ANO1: variants seen among roughly 807,000 people sequenced by gnomAD.
ANO1 encodes anoctamin 1, also known as anoctamin-1.
ANO1 carries 59 observed loss-of-function variants against 124.0 expected under a neutral mutation model. The ratio of observed to expected loss-of-function variants is 0.48; its 90% CI spans 0.39 to 0.59. The LOEUF is 0.59. Ranked by LOEUF, ANO1 falls within the 20% of genes least tolerant of loss-of-function variation. The pLI is 0.00. For synonymous variants in ANO1, 529 were observed against 532.0 expected, an observed-to-expected ratio of 0.99 and a Z score of 0.08; for missense variants, 1,059 against 1,328.0, an observed-to-expected ratio of 0.80 and a Z score of 3.15.
intron 1 of ANO1, among the ~76,000 whole-genome samples, chr11:70,013,220 T>G (rs1004535778): frequency 6.6e-6 from 1 of 152,064 alleles, no homozygotes; most frequent in Non-Finnish European, 1.5e-5. Context: ...TTCAAGCAAC[T>G]GAAATGAGGT....
chr11:70,165,240 G>C (rs1356622376), intron 19 of ANO1: 1 of 548,904 alleles, frequency 1.8e-6, no homozygotes. Context: ...GTCCTCAGAT[G>C]GGCGCCCCAT....
chr11:70,046,210 T>C lies in ANO1; in HGVS notation c.59-32332T>C, dbSNP rs181664369. ...TGTGCCAATTTTCTGATCTTTTTAA[T>C]AAAAGCTTGTATGGTTCCCTGTAAA... On this transcript the variant is annotated intron_variant, in intron 1 of 27. Transcript: ENST00000531349. 1.3e-4 allele frequency among the ~76,000 whole-genome samples: 20 copies of C among 152,346 alleles called. 1 individual carries two copies. Among genetic ancestry groups the C allele is most frequent in the Admixed American group, 9.1e-4 (14 of 15,302 alleles).
At chr11:70,020,698 CAT>C (rs1423556325) in intron 1 of ANO1, among the ~76,000 whole-genome samples, 2 of 152,188 alleles carry the variant, frequency 1.3e-5, no homozygotes, top group African/African-American at 4.8e-5. Context: ...CCTGGGATGA[CAT>C]GGGTTCCCCA....
chr11:69,988,713 T>G (rs1341996446), intron 1 of ANO1, among the ~76,000 whole-genome samples: 6 of 152,228 alleles, frequency 3.9e-5, no homozygotes, highest in African/African-American at 1.4e-4. Context: ...TACTTATTTA[T>G]ACGCTTGTGG....
At chr11:70,074,126 C>T (rs187993893), upstream of ANO1, among the ~76,000 whole-genome samples, 60 of 152,312 alleles carry the variant, frequency 3.9e-4, no homozygotes, top group East Asian at 2.3e-3. Flanking sequence ...CTGTCCTACG[C>T]GGGTTGCCGG....
intron 1 of ANO1, among the ~76,000 whole-genome samples, chr11:70,012,376 A>T (rs1191645123): frequency 1.0e-4 from 15 of 150,066 alleles, no homozygotes; most frequent in African/African-American, 3.7e-4. Flanking sequence ...CCATTATTCC[A>T]TCTATCCATC....
intron 22 of ANO1, among the ~76,000 whole-genome samples, chr11:70,173,473 C>T (rs568529824): frequency 9.8e-5 from 15 of 152,318 alleles, no homozygotes; most frequent in South Asian, 8.3e-4. Context: ...ACCAACCCTC[C>T]GAAGACCCTG....
At chr11:70,002,685 G>T (rs935083336) in intron 1 of ANO1, among the ~76,000 whole-genome samples, 6 of 152,066 alleles carry the variant, frequency 3.9e-5, no homozygotes, top group Non-Finnish European at 8.8e-5. Flanking sequence ...TGGTTAAGTG[G>T]TGCATGACTG....
At chr11:70,145,870 G>C (rs1310677082) in intron 11 of ANO1, among the ~76,000 whole-genome samples, 12 of 149,596 alleles carry the variant, frequency 8.0e-5, no homozygotes, top group Admixed American at 6.8e-4. Flanking sequence ...TCAGGAGGCA[G>C]ACGTTGCAGT....
chr11:70,095,089 C>T (rs944657279), intron 2 of ANO1, among the ~76,000 whole-genome samples: 2 of 151,752 alleles, frequency 1.3e-5, no homozygotes, highest in African/African-American at 2.4e-5. Context: ...GCCTGTAGTC[C>T]GAGCTACTCA....
At chr11:70,038,211 C>G (rs782225969) in intron 1 of ANO1, among the ~76,000 whole-genome samples, 7 of 152,234 alleles carry the variant, frequency 4.6e-5, no homozygotes, top group Non-Finnish European at 8.8e-5. Context: ...AAGCAAGACC[C>G]AGACCATAGT....
chr11:70,078,959 G>C, intron 1 of ANO1, among the ~76,000 whole-genome samples: 1 of 151,922 alleles, frequency 6.6e-6, no homozygotes, highest in East Asian at 2.0e-4. Flanking sequence ...CCAGCGCAGC[G>C]CCGGGCCCCC....
chr11:70,067,418 C>A (rs981996317), intron 1 of ANO1, among the ~76,000 whole-genome samples: 1 of 151,764 alleles, frequency 6.6e-6, no homozygotes, highest in Non-Finnish European at 1.5e-5. Context: ...ACCTCCACCC[C>A]CTAGGTTTAA....
At chr11:70,161,789 C>G in intron 18 of ANO1, 56 bp downstream of exon 18, 2 of 1,545,916 alleles carry the variant, frequency 1.3e-6, no homozygotes, top group South Asian at 2.2e-5. Context: ...CAGGAGAGGG[C>G]TCTCCCTCCC....
At chr11:70,044,758 T>A (rs538753370) in intron 1 of ANO1, among the ~76,000 whole-genome samples, 7 of 152,170 alleles carry the variant, frequency 4.6e-5, no homozygotes, top group Non-Finnish European at 7.4e-5. Context: ...TTTAAAACTG[T>A]TATGATCACA....
intron 7 of ANO1, among the ~76,000 whole-genome samples, chr11:70,114,701 C>T (rs1356103704): frequency 1.3e-5 from 2 of 152,158 alleles, no homozygotes; most frequent in Non-Finnish European, 2.9e-5. Context: ...GAGGTTGAAA[C>T]CAGCCTGACC....
rs907204107 is a variant in ANO1, at chr11:70,024,738, G to A, written c.58+38572G>A. Among the ~76,000 whole-genome samples, 20 of 152,332 alleles carry A rather than the reference G, an allele frequency of 1.3e-4. 1 individual carries two copies. The highest frequency in any genetic ancestry group is 2.8e-4 in the Non-Finnish European group (19 of 68,030). Reference sequence around the variant, plus strand: ...TTGCAGAGCTGCCTCTGTCTGGATGGTCACCAGGCACAAAGCCCCGCTGAC... The same window carrying A: ...TTGCAGAGCTGCCTCTGTCTGGATGATCACCAGGCACAAAGCCCCGCTGAC... On this transcript the variant is annotated intron_variant, in intron 1 of 27. Coordinates refer to the ANO1 transcript ENST00000531349.
At chr11:69,999,867 G>T (rs1295380030) in intron 1 of ANO1, among the ~76,000 whole-genome samples, 1 of 152,158 alleles carries the variant, frequency 6.6e-6, no homozygotes. Context: ...AGGAGGGAGG[G>T]CTATCACATG....
At chr11:70,062,909 TTTTGTTGTTGTTGTTG>T (rs1383208579) in intron 1 of ANO1, among the ~76,000 whole-genome samples, 1 of 152,146 alleles carries the variant, frequency 6.6e-6, no homozygotes, top group Admixed American at 6.5e-5. Flanking sequence ...TATGTTGTTT[TTTTGTTGTTGTTGTTG>T]TTTGTTGTTG....
Sources: gnomAD v4.1 joint callset for allele counts (sites outside exome capture counted in the v4.1 genomes callset) on GRCh38, gnomAD v4.1.1 for gene constraint, MANE v1.5 for transcripts, NCBI Gene and HGNC (gene_info 2026-07-23, HGNC 2026-07-21) for gene names.